GMEB1: variants seen among roughly 807,000 people sequenced by gnomAD.
The protein encoded by GMEB1 is glucocorticoid modulatory element binding protein 1.
Under a neutral mutation model 52.4 loss-of-function variants are expected in GMEB1, and 6 were observed. The ratio of observed to expected loss-of-function variants is 0.11; its 90% CI spans 0.06 to 0.23. The LOEUF is 0.23. Among genes scored for constraint, GMEB1 ranks in the 10% least tolerant of loss-of-function variants. The pLI is 1.00. For missense variants in GMEB1, 486 were observed against 685.6 expected (o/e 0.71, Z 3.25); for synonymous variants, 255 against 244.9 (o/e 1.04, Z -0.38).
chr1:28,669,540 C>T (rs1668786747), intron 1 of GMEB1, among the ~76,000 whole-genome samples: 1 of 152,026 alleles, frequency 6.6e-6, no homozygotes, highest in African/African-American at 2.4e-5. Flanking sequence ...GAAAAAAGGG[C>T]AGGTTTTTTC....
intron 8 of GMEB1, 44 bp from the exon 9 acceptor site, chr1:28,710,476 C>T (rs768004583): frequency 6.7e-7 from 1 of 1,500,060 alleles, no homozygotes; most frequent in Non-Finnish European, 9.0e-7. Flanking sequence ...AGTGGTGGAA[C>T]ATATCTGTTT....
intron 1 of GMEB1, among the ~76,000 whole-genome samples, chr1:28,678,411 G>A (rs546954114): frequency 7.3e-5 from 11 of 151,154 alleles, no homozygotes; most frequent in African/African-American, 2.4e-4. Flanking sequence ...TCTGGGGTTC[G>A]CCATTCTCCT....
At chr1:28,691,149 G>GGCGT (rs1424378034) in intron 3 of GMEB1, among the ~76,000 whole-genome samples, 8 of 151,666 alleles carry the variant, frequency 5.3e-5, no homozygotes, top group Non-Finnish European at 1.0e-4. Flanking sequence ...AAATTAGCCG[G>GGCGT]GCGTGGTGGT....
chr1:28,670,745 T>C (rs11585196), intron 1 of GMEB1, among the ~76,000 whole-genome samples: 55,840 of 152,070 alleles, frequency 0.37, 12,170 homozygotes, highest in East Asian at 0.76. Flanking sequence ...AGTGCTGGTA[T>C]TACAGGCGTG....
intron 1 of GMEB1, among the ~76,000 whole-genome samples, chr1:28,677,905 C>T (rs1469639003): frequency 6.6e-6 from 1 of 151,784 alleles, no homozygotes; most frequent in East Asian, 1.9e-4. Flanking sequence ...GAGAAGAGGC[C>T]GGGCATGGTG....
rs954175467 is a variant in GMEB1 at position 28,718,464 on chromosome 1, T to C, written c.*3691T>C. 3.9e-5 allele frequency: 6 copies of C among 152,174 alleles called. No individual in the cohort carries two copies. Among genetic ancestry groups the C allele is most frequent in the Non-Finnish European group, 1.5e-5 (1 of 68,044 alleles). 9.4% of individuals were successfully genotyped at this position (152,174 alleles called of 1,614,324 possible). On this transcript the variant is annotated 3_prime_UTR_variant, in exon 10 of 10. Coordinates refer to ENST00000373816, the MANE Select transcript of GMEB1 (RefSeq NM_001319674.2). ...AAATGTAAAAATTAGTCAAGTCTTG[T>C]GGCTCGCACTTGTAGACACAATTAC...
At chr1:28,687,375 C>CAAAAAAAAAAAAAAA (rs1442461404) in intron 2 of GMEB1, among the ~76,000 whole-genome samples, 2 of 19,188 alleles carry the variant, frequency 1.0e-4, no homozygotes, top group African/African-American at 4.4e-4. Context: ...CACACACACA[C>CAAAAAAAAAAAAAAA]ACACACACAC....
intron 1 of GMEB1, among the ~76,000 whole-genome samples, chr1:28,676,356 A>G (rs1012443010): frequency 6.6e-6 from 1 of 152,198 alleles, no homozygotes; most frequent in Non-Finnish European, 1.5e-5. Flanking sequence ...TTGAGCCAAC[A>G]TGATGGCATA....
intron 9 of GMEB1, 82 bp from the exon 10 acceptor site, chr1:28,713,991 G>T: frequency 1.0e-6 from 1 of 991,460 alleles, no homozygotes; most frequent in South Asian, 1.5e-5. Flanking sequence ...ACCAGACAGA[G>T]ACACCAGGTC....
chr1:28,691,476 G>T (rs2124513103), intron 3 of GMEB1, 109 bp from the exon 4 acceptor site: 2 of 635,410 alleles, frequency 3.1e-6, no homozygotes, highest in South Asian at 8.2e-5. Flanking sequence ...AATGATACCA[G>T]CAAGAGTGAA....
Position 28,692,959 on chromosome 1 carries a change from C to T in GMEB1, c.354C>T (p.Ile118=). Residue 118 remains isoleucine (I), a synonymous_variant, in exon 5 of 10, where the codon ATC becomes ATT. Coordinates refer to ENST00000373816, the MANE Select transcript of GMEB1 (RefSeq NM_001319674.2). ...ACTTTTAGTTCAATGATCAGTTGAT[C>T]AGCCCCAAGCACTTTGTTCATCTGG... ...VKCVKFNDQL[I]SPKHFVHLAG... The T allele has an allele frequency of 6.3e-7, 1 of 1,597,072 alleles. No homozygotes were observed. The highest frequency in any genetic ancestry group is 1.1e-5 in the South Asian group (1 of 88,760).
Position 28,714,406 on chromosome 1 carries a change from T to C in GMEB1, c.1325T>C (p.Val442Ala), listed in dbSNP as rs1671197469. 6.2e-7 allele frequency: 1 copy of C among 1,614,138 alleles called. No individual in the cohort carries two copies. The highest frequency in any genetic ancestry group is 1.7e-5 in the Admixed American group (1 of 60,022). The change falls in exon 10 of 10, where the codon GTC (valine) becomes GCC (alanine). Residue 442 changes from valine (V) to alanine (A), a missense_variant. Around this residue, in one of 5 missense-constraint regions of GMEB1, gnomAD observed 153 missense variants for 200.8 expected, o/e 0.76. Transcript: ENST00000373816. ...CAGCTCTTCCGCTATGCCACAGTGGTCTCCTCTGCCAAGAGCAGCTCACCA... is the reference window on the plus strand; with the variant it reads ...CAGCTCTTCCGCTATGCCACAGTGGCCTCCTCTGCCAAGAGCAGCTCACCA... ...GPQLFRYATV[V>A]SSAKSSSPDT...
chr1:28,702,938 C>T (rs1670585132), intron 7 of GMEB1, among the ~76,000 whole-genome samples: 1 of 151,986 alleles, frequency 6.6e-6, no homozygotes. Context: ...GCCTGTAGTC[C>T]CAGCTACTCG....
intron 2 of GMEB1, chr1:28,689,629 T>C (rs1466496457): frequency 6.6e-6 from 1 of 152,390 alleles, no homozygotes; most frequent in Non-Finnish European, 1.5e-5. Flanking sequence ...ACTCTATGTC[T>C]CAAAAAAATA....
At chr1:28,697,180 T>TATATATATATAC (rs1670256472) in intron 6 of GMEB1, 96 bp downstream of exon 6, 2 of 182,696 alleles carry the variant, frequency 1.1e-5, no homozygotes, top group Non-Finnish European at 2.2e-5. Context: ...TATATATATA[T>TATATATATATAC]ATATATATAT....
intron 8 of GMEB1, among the ~76,000 whole-genome samples, chr1:28,705,431 G>C (rs941090018): frequency 1.1e-4 from 17 of 148,322 alleles, no homozygotes; most frequent in Admixed American, 1.0e-3. Flanking sequence ...TCTCTCGCGC[G>C]ATATATGTAT....
At chr1:28,706,508 G>A (rs1470494301) in intron 8 of GMEB1, among the ~76,000 whole-genome samples, 1 of 148,890 alleles carries the variant, frequency 6.7e-6, no homozygotes, top group Admixed American at 6.7e-5. Context: ...GGAGGCTGAG[G>A]TGGGAGAATC....
chr1:28,689,231 G>A (rs144024407), intron 2 of GMEB1, among the ~76,000 whole-genome samples: 169 of 152,054 alleles, frequency 1.1e-3, no homozygotes, highest in African/African-American at 3.9e-3. Context: ...TCACCACGTT[G>A]GCCAGGCTGG....
intron 2 of GMEB1, among the ~76,000 whole-genome samples, chr1:28,689,322 G>T (rs567180094): frequency 3.3e-5 from 5 of 152,058 alleles, no homozygotes; most frequent in South Asian, 2.1e-4. Context: ...CACCATGCCC[G>T]GCCCATTTAA....
Sources: gnomAD v4.1 joint callset for allele counts (sites outside exome capture counted in the v4.1 genomes callset) on GRCh38, gnomAD v4.1.1 for gene constraint, gnomAD v4.1.1 regional missense constraint, MANE v1.5 for transcripts, NCBI Gene and HGNC (gene_info 2026-07-23, HGNC 2026-07-21) for gene names.